Variants in ZDHHC18 observed in about 807,000 individuals in gnomAD.
The protein encoded by ZDHHC18 is palmitoyltransferase ZDHHC18.
Under a neutral mutation model 37.5 loss-of-function variants are expected in ZDHHC18, and 23 were observed. That is an observed-to-expected ratio of 0.61 (90% CI 0.44 to 0.87). The LOEUF (loss-of-function observed/expected upper bound fraction) is 0.87, where lower values mean the gene tolerates loss of function less well. Among genes scored for constraint, ZDHHC18 ranks in the 40% least tolerant of loss-of-function variants. The pLI, the probability that ZDHHC18 is intolerant of heterozygous loss-of-function variation, is 0.00. For missense variants in ZDHHC18, 406 were observed against 525.6 expected (o/e 0.77, Z 2.22); for synonymous variants, 185 against 218.7 (o/e 0.85, Z 1.36).
intron 1 of ZDHHC18, among the ~76,000 whole-genome samples, chr1:26,830,804 TAG>T (rs1343945275): frequency 5.9e-4 from 90 of 152,186 alleles, no homozygotes; most frequent in African/African-American, 2.1e-3. Flanking sequence ...GTTGTTGAGA[TAG>T]AGTTTTGCTC....
At chr1:26,831,381 G>A (rs2081588314) in intron 1 of ZDHHC18, among the ~76,000 whole-genome samples, 1 of 152,248 alleles carries the variant, frequency 6.6e-6, no homozygotes, top group Non-Finnish European at 1.5e-5. Context: ...CCCAGATCAT[G>A]CCTGGCCTAG....
At chr1:26,828,866 C>G (rs1161498922) in intron 1 of ZDHHC18, among the ~76,000 whole-genome samples, 1 of 152,076 alleles carries the variant, frequency 6.6e-6, no homozygotes, top group African/African-American at 2.4e-5. Flanking sequence ...GCTGCCCTCT[C>G]AGTCCCCACA....
intron 2 of ZDHHC18, among the ~76,000 whole-genome samples, chr1:26,844,986 T>A (rs1330011239): frequency 6.6e-6 from 1 of 151,130 alleles, no homozygotes; most frequent in Non-Finnish European, 1.5e-5. Flanking sequence ...AGTGGCGCAA[T>A]CTCGGCTCAC....
intron 6 of ZDHHC18, 99 bp downstream of exon 6, chr1:26,851,330 G>A (rs2081703137): frequency 2.4e-5 from 27 of 1,145,362 alleles, no homozygotes; most frequent in Non-Finnish European, 3.1e-5. Flanking sequence ...CCTGACTCAC[G>A]GACTGCTGGG....
Position 26,843,785 on chromosome 1 carries a change from G to A in ZDHHC18, c.497-4823G>A, listed in dbSNP as rs1353161486. On this transcript the variant is annotated intron_variant, in intron 2 of 7. Transcript: ENST00000374142. ...AGCCTGGGCAACAGAGCAATATTCC[G>A]TCTCAAAAAAAAAAGGTATAGAAAT... 5.3e-5 allele frequency among the ~76,000 whole-genome samples: 8 copies of A among 150,766 alleles called. No homozygotes were observed. In the South Asian group the frequency reaches 8.4e-4, roughly 16 times the overall value.
rs188261484 is a variant in ZDHHC18 at position 26,829,196 on chromosome 1, G to T, written c.335+2057G>T. On this transcript the variant is annotated intron_variant, in intron 1 of 7. Transcript: ENST00000374142. ...ATGCTCCCCATTGCTCTGGGAAAAG[G>T]TAAGGTGCTCTCTAAGCCTTTCCTG... Among the ~76,000 whole-genome samples the T allele has an allele frequency of 2.6e-5, 4 of 152,276 alleles. No homozygotes were observed. In the South Asian group the frequency reaches 8.3e-4, roughly 32 times the overall value.
At chr1:26,832,392 G>A in intron 1 of ZDHHC18, 55 bp from the exon 2 acceptor site, 1 of 1,604,302 alleles carries the variant, frequency 6.2e-7, no homozygotes, top group South Asian at 1.1e-5. Context: ...CTGTAGCCCT[G>A]TGCCGCAGGG....
Position 26,826,714 on chromosome 1 carries a change from G to GCGCCGCCGCTGC in ZDHHC18, c.-89_-78dup, listed in dbSNP as rs1553156844. On this transcript the variant is annotated 5_prime_UTR_variant, in exon 1 of 8. Transcript: ENST00000374142. This position sits in a 1 kb window ranked among gnomAD's most constrained non-coding sequence, Gnocchi z 5.2. ...GTGAGTGAGCGAGCGAGCGCCGCGC[G>GCGCCGCCGCTGC]CGCCGCCGCTGCCACCTCCGCTGCT... 27 of 572,362 alleles carry GCGCCGCCGCTGC rather than the reference G, an allele frequency of 4.7e-5. No individual in the cohort carries two copies. Among genetic ancestry groups the GCGCCGCCGCTGC allele is most frequent in the South Asian group, 7.2e-5 (1 of 13,864 alleles). The allele number at this position is 572,362 out of a possible 1,614,324, so 35.5% of individuals were successfully genotyped here. A position where few individuals can be genotyped will look rare whatever the true frequency, so the allele number is the denominator to read the frequency against.
At chr1:26,846,260 C>G (rs1353299501) in intron 2 of ZDHHC18, among the ~76,000 whole-genome samples, 2 of 89,224 alleles carry the variant, frequency 2.2e-5, no homozygotes, top group Non-Finnish European at 4.0e-5. Flanking sequence ...ATATATATCT[C>G]TATAGAGATA....
At chr1:26,841,068 C>G (rs555865618) in intron 2 of ZDHHC18, among the ~76,000 whole-genome samples, 139 of 152,146 alleles carry the variant, frequency 9.1e-4, no homozygotes, top group Non-Finnish European at 8.5e-4. Context: ...CCTCTGCCTC[C>G]CGGGTTCAAG....
chr1:26,851,832 G>T (rs1022437096), intron 6 of ZDHHC18, among the ~76,000 whole-genome samples: 1 of 152,236 alleles, frequency 6.6e-6, no homozygotes, highest in Non-Finnish European at 1.5e-5. Flanking sequence ...GCACAGGCCA[G>T]TGGGCTCCAT....
chr1:26,839,275 A>G lies in ZDHHC18; in HGVS notation c.496+6668A>G, dbSNP rs371847411. On this transcript the variant is annotated intron_variant, in intron 2 of 7. Coordinates refer to ENST00000374142, the MANE Select transcript of ZDHHC18 (RefSeq NM_032283.3). Reference sequence around the variant, plus strand: ...TAAGGGCACCTTTTTACTTGGGAAGAGCCTGGCATAGCAGAAACAGCCCTG... The same window carrying G: ...TAAGGGCACCTTTTTACTTGGGAAGGGCCTGGCATAGCAGAAACAGCCCTG... Among the ~76,000 whole-genome samples the G allele has an allele frequency of 3.5e-4, 54 of 152,354 alleles. 1 individual carries two copies. The South Asian group carries it at 0.011, about 30-fold the overall frequency.
At position 26,832,548 on chromosome 1, in the gene ZDHHC18, A is replaced by C; in HGVS notation, c.437A>C (p.Asp146Ala). The change falls in exon 2 of 8, where the codon GAC becomes GCC. Residue 146 changes from aspartate to alanine, a missense_variant. Physicochemically the swap from Asp to Ala is moderately radical, Grantham distance 126 (BLOSUM62 -2). Transcript: ENST00000374142. ...TGCCTGCTGCAGACAAGCTTCACCG[A>C]CCCTGGGATCCTGCCCCGGGCCACT... ...MSCLLQTSFTDPGILPRATVC... is the reference protein window; with the variant it reads ...MSCLLQTSFTAPGILPRATVC... 1 of 1,613,920 alleles carries C rather than the reference A, an allele frequency of 6.2e-7. No homozygotes were observed. The highest frequency in any genetic ancestry group is 8.5e-7 in the Non-Finnish European group (1 of 1,179,980).
intron 1 of ZDHHC18, among the ~76,000 whole-genome samples, chr1:26,829,158 G>C (rs1284884311): frequency 6.6e-6 from 1 of 152,144 alleles, no homozygotes; most frequent in South Asian, 2.1e-4. Flanking sequence ...GAGCTCACCT[G>C]GGTCTGGACT....
At chr1:26,848,868 G>A in intron 3 of ZDHHC18, 111 bp downstream of exon 3, 1 of 1,435,586 alleles carries the variant, frequency 7.0e-7, no homozygotes. Flanking sequence ...AAATACCCAG[G>A]GCTGGGCAGG....
chr1:26,853,438 C>T (rs760544690), intron 7 of ZDHHC18, among the ~76,000 whole-genome samples: 4 of 152,236 alleles, frequency 2.6e-5, no homozygotes, highest in Non-Finnish European at 4.4e-5. Context: ...CCTATTCATC[C>T]TTGCTTTCCT....
rs183474559 is a variant in ZDHHC18, at chr1:26,850,876, T to C, written c.834-253T>C. ...CCCTGGACCGTGTCGTGCCCAAGGC[T>C]CTTTGTGATTGGAACCCTCAGTTTT... is the stretch of plus-strand genomic sequence containing the variant. On this transcript the variant is annotated intron_variant, in intron 5 of 7. Coordinates refer to ENST00000374142, the MANE Select transcript of ZDHHC18 (RefSeq NM_032283.3). This position sits in a 1 kb window ranked among gnomAD's most constrained non-coding sequence, Gnocchi z 6.1. Among the ~76,000 whole-genome samples, 2 of 152,222 alleles carry C rather than the reference T, an allele frequency of 1.3e-5. No homozygotes were observed. The highest frequency in any genetic ancestry group is 1.3e-4 in the Admixed American group (2 of 15,294).
rs180944977 is a variant in ZDHHC18 at position 26,851,750 on chromosome 1, C to T, written c.936+519C>T. Reference sequence around the variant, plus strand: ...ACACTGCCCCTGTCAGCAGCAAAGCCGTGACTATTCTCAAGGTGGCACTGG... The same window carrying T: ...ACACTGCCCCTGTCAGCAGCAAAGCTGTGACTATTCTCAAGGTGGCACTGG... On this transcript the variant is annotated intron_variant, in intron 6 of 7. Transcript: ENST00000374142. 3.8e-3 allele frequency among the ~76,000 whole-genome samples: 578 copies of T among 152,300 alleles called. 4 individuals are homozygous for T. Among genetic ancestry groups the T allele is most frequent in the African/African-American group, 0.013 (553 of 41,554 alleles).
intron 6 of ZDHHC18, among the ~76,000 whole-genome samples, chr1:26,851,511 C>T (rs775568416): frequency 6.6e-6 from 1 of 152,250 alleles, no homozygotes; most frequent in Non-Finnish European, 1.5e-5. Flanking sequence ...CACCACAGCA[C>T]GCATGATGTT....
Sources: allele counts gnomAD v4.1 joint callset (sites outside exome capture counted in the v4.1 genomes callset), GRCh38; gene constraint gnomAD v4.1.1; non-coding constraint Gnocchi (gnomAD v3.1); transcripts MANE v1.5; gene names NCBI Gene and HGNC (gene_info 2026-07-23, HGNC 2026-07-21).